Variants in ANKS3 observed in about 807,000 individuals in gnomAD.
ANKS3 encodes the protein ankyrin repeat and SAM domain-containing protein 3.
ANKS3 carries 62 observed loss-of-function variants against 80.7 expected under a neutral mutation model. The ratio of observed to expected loss-of-function variants is 0.77; its 90% CI spans 0.63 to 0.95. ANKS3 has a LOEUF of 0.95. ANKS3 is among the 40% of genes least tolerant of loss of function. The pLI, the probability that ANKS3 is intolerant of heterozygous loss-of-function variation, is 0.00. For synonymous variants in ANKS3, 489 were observed against 355.3 expected, an observed-to-expected ratio of 1.38 and a Z score of -4.23; for missense variants, 1,150 against 883.6, an observed-to-expected ratio of 1.30 and a Z score of -3.82.
Position 4,734,142 on chromosome 16 carries a change from G to GC in ANKS3, c.-276dup, listed in dbSNP as rs1289788019. On this transcript the variant is annotated 5_prime_UTR_variant, in exon 1 of 18. Coordinates refer to ENST00000304283, the MANE Select transcript of ANKS3 (RefSeq NM_133450.4). Reference sequence around the variant, plus strand: ...TGCCGGCAAGTGCTGGGGCCGGGCCGCCGCGGAACCCACCTGTGCTGGGCC... The same window carrying GC: ...TGCCGGCAAGTGCTGGGGCCGGGCCGCCCGCGGAACCCACCTGTGCTGGGCC... The GC allele has an allele frequency of 3.4e-6, 2 of 581,356 alleles. No homozygotes were observed. Among genetic ancestry groups the GC allele is most frequent in the East Asian group, 2.8e-4 (2 of 7,024 alleles). 36.0% of individuals were successfully genotyped at this position (581,356 alleles called of 1,614,324 possible). A position where few individuals can be genotyped will look rare whatever the true frequency, so the allele number is the denominator to read the frequency against.
intron 6 of ANKS3, among the ~76,000 whole-genome samples, chr16:4,722,466 C>G (rs1014790634): frequency 6.6e-6 from 1 of 151,430 alleles, no homozygotes; most frequent in Non-Finnish European, 1.5e-5. Context: ...GTCCCAGCTA[C>G]TCGGGAGGCT....
At chr16:4,706,665 A>T (rs1289656213) in intron 7 of ANKS3, among the ~76,000 whole-genome samples, 1 of 152,188 alleles carries the variant, frequency 6.6e-6, no homozygotes, top group Non-Finnish European at 1.5e-5. Context: ...TCAGTTTTTC[A>T]TATTTGATTT....
chr16:4,701,349 C>T, intron 10 of ANKS3, 85 bp downstream of exon 10: 3 of 1,390,702 alleles, frequency 2.2e-6, no homozygotes, highest in South Asian at 2.7e-5. Flanking sequence ...TTCTTACATA[C>T]ATGCTCATCT....
intron 1 of ANKS3, among the ~76,000 whole-genome samples, chr16:4,732,780 A>T (rs2081715174): frequency 6.6e-6 from 1 of 151,700 alleles, no homozygotes; most frequent in Admixed American, 6.6e-5. Context: ...TTTAGTTTTC[A>T]TTCAACTTTT....
At chr16:4,719,455 G>GA in intron 6 of ANKS3, among the ~76,000 whole-genome samples, 1 of 152,242 alleles carries the variant, frequency 6.6e-6, no homozygotes, top group Non-Finnish European at 1.5e-5. Flanking sequence ...CTGGGCTATT[G>GA]ATTCTATGAT....
rs749962152 is a variant in ANKS3 at position 4,705,281 on chromosome 16, G to T, written c.710-28C>A. ...GTGATCAAACACCAAGATTAAGATAGTGTGTTCAGTAATGGACTCATTTAC... is the reference window on the plus strand; with the variant it reads ...GTGATCAAACACCAAGATTAAGATATTGTGTTCAGTAATGGACTCATTTAC... On this transcript the variant is annotated intron_variant, in intron 7 of 17. Transcript: ENST00000304283. The T allele has an allele frequency of 9.3e-6, 15 of 1,611,396 alleles. No individual in the cohort carries two copies. The South Asian group carries it at 1.5e-4, about 17-fold the overall frequency.
In ANKS3 at chr16:4,699,104, G is replaced by A; in HGVS notation, c.1357C>T (p.Leu453Phe). 1.9e-6 allele frequency: 3 copies of A among 1,614,126 alleles called. No individual in the cohort carries two copies. Among genetic ancestry groups the A allele is most frequent in the South Asian group, 1.1e-5 (1 of 91,078 alleles). Residue 453 changes from leucine to phenylalanine, a missense_variant, in exon 12 of 18, where the codon CTC becomes TTC. Transcript: ENST00000304283. ...LQVFEEQDVD[L>F]RIFLTLTESD... ...TCAGTGAGGGTCAGAAAGATGCGGA[G>A]GTCCACGTCCTGCTCCTCAAACACC...
chr16:4,724,319 G>C (rs1004800379), intron 6 of ANKS3, among the ~76,000 whole-genome samples: 1 of 152,166 alleles, frequency 6.6e-6, no homozygotes. Flanking sequence ...AAAACACAAA[G>C]CAATGTGCAC....
chr16:4,716,254 G>A (rs978951758), intron 6 of ANKS3, among the ~76,000 whole-genome samples: 17 of 151,466 alleles, frequency 1.1e-4, no homozygotes, highest in African/African-American at 3.4e-4. Context: ...CAGCTACTCC[G>A]GGGGGCTGAG....
chr16:4,714,206 G>A lies in ANKS3; in HGVS notation c.574-20C>T. On this transcript the variant is annotated intron_variant, in intron 6 of 17. Coordinates refer to ENST00000304283, the MANE Select transcript of ANKS3 (RefSeq NM_133450.4). ...GACTCCCTGTGAATGTCCGTGAAAG[G>A]GGGTTAGGGGCCTCTCCTTCAAAGC... 2 of 1,613,172 alleles carry A rather than the reference G, an allele frequency of 1.2e-6. No individual in the cohort carries two copies. Among genetic ancestry groups the A allele is most frequent in the South Asian group, 2.2e-5 (2 of 90,938 alleles).
intron 3 of ANKS3, chr16:4,727,701 G>A (rs2081423649): frequency 1.3e-5 from 2 of 159,544 alleles, no homozygotes; most frequent in Admixed American, 5.9e-5. Flanking sequence ...GGAAAGAAGG[G>A]ACTCCACCGT....
chr16:4,706,314 T>C (rs1435152252), intron 7 of ANKS3, among the ~76,000 whole-genome samples: 1 of 152,014 alleles, frequency 6.6e-6, no homozygotes, highest in Non-Finnish European at 1.5e-5. Flanking sequence ...CACTGCAAGC[T>C]CCACCTCCTG....
chr16:4,709,758 C>T (rs887652157), intron 7 of ANKS3, among the ~76,000 whole-genome samples: 12 of 152,156 alleles, frequency 7.9e-5, no homozygotes, highest in African/African-American at 2.9e-4. Flanking sequence ...CACTTGTAAT[C>T]CCAACACTCT....
At chr16:4,709,512 C>T (rs1052040910) in intron 7 of ANKS3, among the ~76,000 whole-genome samples, 4 of 152,104 alleles carry the variant, frequency 2.6e-5, no homozygotes, top group Non-Finnish European at 5.9e-5. Flanking sequence ...GATGTCTACA[C>T]CCTCATGTTT....
chr16:4,700,155 C>A (rs1026710802), intron 11 of ANKS3: 53 of 152,956 alleles, frequency 3.5e-4, no homozygotes, highest in African/African-American at 1.2e-3. Flanking sequence ...TGGTGGCTCA[C>A]GCCTGTAATC....
chr16:4,696,952 C>G (rs761025904), intron 17 of ANKS3, 56 bp from the exon 18 acceptor site: 7 of 1,513,604 alleles, frequency 4.6e-6, no homozygotes, highest in Admixed American at 1.8e-5. Context: ...CATACCCACA[C>G]CTGCAGCCGC....
At chr16:4,718,944 A>G (rs2080945666) in intron 6 of ANKS3, among the ~76,000 whole-genome samples, 1 of 152,236 alleles carries the variant, frequency 6.6e-6, no homozygotes, top group African/African-American at 2.4e-5. Flanking sequence ...GTCACAATTT[A>G]CATTTAAATG....
chr16:4,696,854 T>G lies in ANKS3; in HGVS notation c.*54A>C, dbSNP rs1481216182. The G allele has an allele frequency of 8.7e-6, 6 of 691,960 alleles. No homozygotes were observed. The highest frequency in any genetic ancestry group is 1.5e-5 in the Non-Finnish European group (6 of 402,986). 42.9% of individuals were successfully genotyped at this position (691,960 alleles called of 1,614,324 possible). A position where few individuals can be genotyped will look rare whatever the true frequency, so the allele number is the denominator to read the frequency against. On this transcript the variant is annotated 3_prime_UTR_variant, in exon 18 of 18. Coordinates refer to ENST00000304283, the MANE Select transcript of ANKS3 (RefSeq NM_133450.4). ...CCTGCTCACTGTCCTCCTCACTCCC[T>G]GGCACACAGCTTCAGGGTGGACCAA... is the stretch of plus-strand genomic sequence containing the variant.
intron 3 of ANKS3, 128 bp from the exon 4 acceptor site, chr16:4,727,305 G>A (rs796518138): frequency 1.1e-5 from 10 of 939,324 alleles, no homozygotes; most frequent in Middle Eastern, 6.4e-4. Context: ...CACCCTGGAC[G>A]TTGTGGGGAT....
Sources: allele counts gnomAD v4.1 joint callset (sites outside exome capture counted in the v4.1 genomes callset), GRCh38; gene constraint gnomAD v4.1.1; transcripts MANE v1.5; gene names NCBI Gene and HGNC (gene_info 2026-07-23, HGNC 2026-07-21).